The following NEBL variants were observed in gnomAD, a reference collection of about 807,000 sequenced individuals.
NEBL encodes nebulette, also known as LIM and SH3 protein 2.
NEBL carries 122 observed loss-of-function variants against 140.2 expected under a neutral mutation model. The observed-to-expected ratio is 0.87, with a 90% CI of 0.75 to 1.01. The LOEUF (loss-of-function observed/expected upper bound fraction) is 1.01. Among genes scored for constraint, NEBL ranks in the 50% least tolerant of loss-of-function variants. The pLI is 0.00. For synonymous variants in NEBL, 436 were observed against 398.9 expected (o/e 1.09, Z -1.11); for missense variants, 1,365 against 1,231.3 (o/e 1.11, Z -1.62).
chr10:20,850,329 G>C, intron 11 of NEBL, 66 bp downstream of exon 11: 8 of 1,270,210 alleles, frequency 6.3e-6, no homozygotes, highest in Non-Finnish European at 9.2e-6. Flanking sequence ...TGAACATTCT[G>C]CGTCCTTTCA....
chr10:21,168,087 T>C (rs1197710522), intron 2 of NEBL, among the ~76,000 whole-genome samples: 3 of 152,222 alleles, frequency 2.0e-5, no homozygotes, highest in African/African-American at 7.2e-5. Flanking sequence ...AAATATCATG[T>C]AAATTATATT....
chr10:21,143,858 C>CAAGAA (rs1839762520), intron 2 of NEBL, among the ~76,000 whole-genome samples: 1 of 129,728 alleles, frequency 7.7e-6, no homozygotes, highest in Admixed American at 7.7e-5. Flanking sequence ...CAGGATAAGA[C>CAAGAA]AAGAAAAGAA....
chr10:20,887,716 C>T (rs1447824362), intron 4 of NEBL, among the ~76,000 whole-genome samples: 1 of 152,140 alleles, frequency 6.6e-6, no homozygotes, highest in Admixed American at 6.5e-5. Context: ...AGTGTCCAGC[C>T]CCATTATCTC....
chr10:21,020,635 A>C (rs867126356), intron 2 of NEBL, among the ~76,000 whole-genome samples: 3 of 151,996 alleles, frequency 2.0e-5, no homozygotes, highest in South Asian at 2.1e-4. Context: ...CCGTTTCTAG[A>C]AGTTTCTCTT....
upstream of NEBL, among the ~76,000 whole-genome samples, chr10:20,898,376 G>A (rs788972): frequency 0.95 from 143,757 of 152,036 alleles, 68,270 homozygotes; most frequent in Middle Eastern, 1. Context: ...ATTAAAAATA[G>A]TATGTCATTC....
intron 4 of NEBL, among the ~76,000 whole-genome samples, chr10:20,948,707 A>G: frequency 6.6e-6 from 1 of 152,228 alleles, no homozygotes; most frequent in South Asian, 2.1e-4. Flanking sequence ...CAGAGCTCTC[A>G]CCAGCTAATC....
chr10:20,840,959 G>A, intron 12 of NEBL, 110 bp from the exon 13 acceptor site: 1 of 714,120 alleles, frequency 1.4e-6, no homozygotes, highest in Non-Finnish European at 2.5e-6. Context: ...TTACTAGGAA[G>A]GAATGAATCA....
At chr10:21,163,373 C>A (rs1295748119) in intron 2 of NEBL, among the ~76,000 whole-genome samples, 1 of 152,106 alleles carries the variant, frequency 6.6e-6, no homozygotes, top group Non-Finnish European at 1.5e-5. Context: ...TGCAGGTTAT[C>A]CAAACAGGCC....
At chr10:21,052,090 T>TA (rs957660349) in intron 2 of NEBL, among the ~76,000 whole-genome samples, 14 of 149,378 alleles carry the variant, frequency 9.4e-5, no homozygotes, top group South Asian at 2.1e-4. Context: ...ATAAAAAGTT[T>TA]AAAAAAAAAA....
At chr10:20,990,266 C>T (rs2131683642) in intron 3 of NEBL, among the ~76,000 whole-genome samples, 1 of 152,288 alleles carries the variant, frequency 6.6e-6, no homozygotes, top group East Asian at 1.9e-4. Flanking sequence ...AAAACCCCTG[C>T]TTTGAAATGT....
intron 1 of NEBL, among the ~76,000 whole-genome samples, chr10:21,268,830 A>G (rs2132287240): frequency 6.6e-6 from 1 of 152,218 alleles, no homozygotes; most frequent in African/African-American, 2.4e-5. Context: ...TGGCCAAAAA[A>G]ATTTAAAAAA....
intron 4 of NEBL, among the ~76,000 whole-genome samples, chr10:20,931,792 A>G (rs1589031522): frequency 2.6e-5 from 4 of 152,258 alleles, no homozygotes; most frequent in East Asian, 1.9e-4. Flanking sequence ...CATCCTTTAC[A>G]TTCTTATGTG....
intron 2 of NEBL, among the ~76,000 whole-genome samples, chr10:21,119,059 G>GCAA (rs1367522627): frequency 6.6e-6 from 1 of 152,148 alleles, no homozygotes; most frequent in Non-Finnish European, 1.5e-5. Context: ...ATGCCCAACA[G>GCAA]CAATCCTTTC....
chr10:21,105,407 A>G (rs1564513078), intron 2 of NEBL, among the ~76,000 whole-genome samples: 1 of 151,506 alleles, frequency 6.6e-6, no homozygotes, highest in African/African-American at 2.4e-5. Context: ...TCATTGTTCA[A>G]CTTCCACCTA....
chr10:20,921,679 A>G (rs1001897881), intron 4 of NEBL, among the ~76,000 whole-genome samples: 1 of 152,110 alleles, frequency 6.6e-6, no homozygotes, highest in African/African-American at 2.4e-5. Context: ...TTATTTGCCA[A>G]TAAGTGGGTT....
chr10:20,984,828 A>G (rs1837190642), intron 3 of NEBL, among the ~76,000 whole-genome samples: 1 of 152,120 alleles, frequency 6.6e-6, no homozygotes, highest in Admixed American at 6.5e-5. Flanking sequence ...CTTCATCTGT[A>G]TTTACAGCCA....
chr10:20,845,282 C>T lies in NEBL; in HGVS notation c.1203G>A (p.Lys401=), dbSNP rs569263278. 6.3e-7 allele frequency: 1 copy of T among 1,589,460 alleles called. No individual in the cohort carries two copies. Among genetic ancestry groups the T allele is most frequent in the African/African-American group, 1.3e-5 (1 of 74,304 alleles). Reference sequence around the variant, plus strand: ...CCTCCCTCAGAAGGTTGGTGATGTACTTTACATGTAAAAATTCTGGAGTCT... The same window carrying T: ...CCTCCCTCAGAAGGTTGGTGATGTATTTTACATGTAAAAATTCTGGAGTCT... ...LDKTPEFLHV[K]YITNLLREKE... The change falls in exon 12 of 28, where the codon AAG becomes AAA. Residue 401 remains lysine (K), a synonymous_variant. Coordinates refer to ENST00000377122, the MANE Select transcript of NEBL (RefSeq NM_006393.3).
At chr10:20,905,339 G>A (rs10828146) in intron 4 of NEBL, among the ~76,000 whole-genome samples, 83,849 of 152,004 alleles carry the variant, frequency 0.55, 24,507 homozygotes, top group Non-Finnish European at 0.64. Context: ...ATAAATAAAA[G>A]AGGTTTAATT....
intron 2 of NEBL, chr10:21,028,860 A>C: frequency 3.1e-6 from 1 of 323,992 alleles, no homozygotes. Flanking sequence ...CAATTCAATA[A>C]TCATAAAAAT....
Sources: gnomAD v4.1 joint callset for allele counts (sites outside exome capture counted in the v4.1 genomes callset) on GRCh38, gnomAD v4.1.1 for gene constraint, MANE v1.5 for transcripts, NCBI Gene and HGNC (gene_info 2026-07-23, HGNC 2026-07-21) for gene names.